Variants in AUTS2 observed in about 807,000 individuals in gnomAD.
AUTS2 encodes the protein activator of transcription and developmental regulator AUTS2, also known as autism susceptibility gene 2 protein.
AUTS2 carries 17 observed loss-of-function variants against 112.4 expected under a neutral mutation model. The ratio of observed to expected loss-of-function variants is 0.15; its 90% CI spans 0.10 to 0.23. The LOEUF (loss-of-function observed/expected upper bound fraction) is 0.23, where lower values mean the gene tolerates loss of function less well. Ranked by LOEUF, AUTS2 falls within the 10% of genes least tolerant of loss-of-function variation. The pLI is 1.00. For missense variants in AUTS2, 1,510 were observed against 1,701.6 expected, an observed-to-expected ratio of 0.89 and a Z score of 1.98; for synonymous variants, 751 against 702.7, an observed-to-expected ratio of 1.07 and a Z score of -1.09.
rs115655451 is a variant in AUTS2 at position 70,088,839 on chromosome 7, G to A, written c.523-29293G>A. Among the ~76,000 whole-genome samples, 992 of 151,918 alleles carry A rather than the reference G, an allele frequency of 6.5e-3. 8 individuals are homozygous for A. The highest frequency in any genetic ancestry group is 0.022 in the African/African-American group (925 of 41,428). ...ATGTTGGCCAGGTGTGAGCCACCGC[G>A]CCTGTCCGAGACCCATCTTGCTTTC... is the stretch of plus-strand genomic sequence containing the variant. On this transcript the variant is annotated intron_variant, in intron 2 of 18. Coordinates refer to ENST00000342771, the MANE Select transcript of AUTS2 (RefSeq NM_015570.4).
At chr7:70,227,960 C>T (rs1362911629) in intron 4 of AUTS2, among the ~76,000 whole-genome samples, 1 of 151,896 alleles carries the variant, frequency 6.6e-6, no homozygotes, top group Non-Finnish European at 1.5e-5. Context: ...GTCAAGTCTA[C>T]TATATTCTTG....
At chr7:70,646,361 A>C (rs747477019) in intron 5 of AUTS2, among the ~76,000 whole-genome samples, 1 of 152,212 alleles carries the variant, frequency 6.6e-6, no homozygotes, top group African/African-American at 2.4e-5. Flanking sequence ...TGCCTCCGTC[A>C]TGTCAGGAAG....
chr7:69,671,962 A>G (rs1312518743), intron 1 of AUTS2, among the ~76,000 whole-genome samples: 1 of 152,162 alleles, frequency 6.6e-6, no homozygotes, highest in Non-Finnish European at 1.5e-5. Flanking sequence ...GCTTCTGGGC[A>G]GAAACATGCA....
At chr7:70,763,904 A>ATTTC in intron 7 of AUTS2, among the ~76,000 whole-genome samples, 1 of 152,130 alleles carries the variant, frequency 6.6e-6, no homozygotes, top group East Asian at 1.9e-4. Flanking sequence ...AAAGTGAGAA[A>ATTTC]TTTCTTTATG....
chr7:70,270,255 G>A (rs1271098292), intron 4 of AUTS2, among the ~76,000 whole-genome samples: 2 of 152,118 alleles, frequency 1.3e-5, no homozygotes, highest in Non-Finnish European at 1.5e-5. Context: ...AATATGGCAG[G>A]TCCCAGCAAA....
chr7:70,130,393 A>G (rs993390549), intron 3 of AUTS2, among the ~76,000 whole-genome samples: 1 of 152,188 alleles, frequency 6.6e-6, no homozygotes, highest in Non-Finnish European at 1.5e-5. Flanking sequence ...TCATGAGTTT[A>G]ATGAGTAGCT....
At chr7:70,511,566 T>C (rs1799193826) in intron 5 of AUTS2, among the ~76,000 whole-genome samples, 6 of 104,448 alleles carry the variant, frequency 5.7e-5, no homozygotes, top group African/African-American at 1.2e-4. Flanking sequence ...ATTTTCTTTT[T>C]TTTTTTTTTT....
chr7:70,139,956 G>A (rs922090144), intron 4 of AUTS2, among the ~76,000 whole-genome samples: 1 of 152,104 alleles, frequency 6.6e-6, no homozygotes, highest in African/African-American at 2.4e-5. Flanking sequence ...AGACAGGATG[G>A]CGCCATTGCA....
intron 5 of AUTS2, among the ~76,000 whole-genome samples, chr7:70,545,017 C>T (rs1228070548): frequency 6.6e-6 from 1 of 152,178 alleles, no homozygotes; most frequent in African/African-American, 2.4e-5. Flanking sequence ...TGAGAAGCCT[C>T]GCTTTGGACA....
chr7:69,661,531 C>G (rs1795797321), intron 1 of AUTS2, among the ~76,000 whole-genome samples: 2 of 152,110 alleles, frequency 1.3e-5, no homozygotes, highest in Admixed American at 1.3e-4. Context: ...TATGACCTGC[C>G]TCTATAAATA....
intron 5 of AUTS2, among the ~76,000 whole-genome samples, chr7:70,498,978 G>A (rs1798667834): frequency 6.6e-6 from 1 of 152,212 alleles, no homozygotes; most frequent in South Asian, 2.1e-4. Flanking sequence ...CTTTGTGGAA[G>A]AGGAGGGCAA....
intron 2 of AUTS2, among the ~76,000 whole-genome samples, chr7:70,082,853 A>G (rs1436261260): frequency 1.3e-5 from 2 of 152,198 alleles, no homozygotes; most frequent in African/African-American, 4.8e-5. Context: ...GGTCACCAGT[A>G]AATTTCTAAG....
At chr7:70,602,110 T>C (rs1228413771) in intron 5 of AUTS2, among the ~76,000 whole-genome samples, 1 of 152,112 alleles carries the variant, frequency 6.6e-6, no homozygotes, top group Non-Finnish European at 1.5e-5. Flanking sequence ...AGCTTCTCTT[T>C]ATGGTTGCAA....
chr7:70,309,519 A>T (rs945506108), intron 4 of AUTS2, among the ~76,000 whole-genome samples: 1 of 152,234 alleles, frequency 6.6e-6, no homozygotes, highest in Non-Finnish European at 1.5e-5. Context: ...TCCTTTCTGT[A>T]CCAATACACA....
At chr7:70,584,011 T>C (rs1056501070) in intron 5 of AUTS2, among the ~76,000 whole-genome samples, 1 of 152,236 alleles carries the variant, frequency 6.6e-6, no homozygotes, top group African/African-American at 2.4e-5. Flanking sequence ...ATTACAGGAC[T>C]GTGACATGTA....
intron 1 of AUTS2, among the ~76,000 whole-genome samples, chr7:69,732,430 G>A (rs555367723): frequency 8.3e-4 from 126 of 152,022 alleles, no homozygotes; most frequent in African/African-American, 2.7e-3. Context: ...AGGAGTGTGC[G>A]TGAGGTGTGT....
In AUTS2 at chr7:70,139,904, G is replaced by A. The variant is rs571079828; in HGVS notation, c.660+5333G>A. On this transcript the variant is annotated intron_variant, in intron 4 of 18. Coordinates refer to ENST00000342771, the MANE Select transcript of AUTS2 (RefSeq NM_015570.4). Reference sequence around the variant, plus strand: ...TAATCCCAGCTGCTCGGGAGGCTGAGGCAGGAGAATCACTTGAACCTGGGA... The same window carrying A: ...TAATCCCAGCTGCTCGGGAGGCTGAAGCAGGAGAATCACTTGAACCTGGGA... 2.6e-5 allele frequency among the ~76,000 whole-genome samples: 4 copies of A among 152,218 alleles called. No individual in the cohort carries two copies. In the South Asian group the frequency reaches 8.3e-4, roughly 32 times the overall value.
chr7:70,456,443 G>T (rs548396862), intron 5 of AUTS2, among the ~76,000 whole-genome samples: 1 of 152,350 alleles, frequency 6.6e-6, no homozygotes, highest in African/African-American at 2.4e-5. Context: ...GAGAAATTCT[G>T]TTGTCATTTA....
chr7:70,273,038 T>C (rs1259250856), intron 4 of AUTS2, among the ~76,000 whole-genome samples: 1 of 152,112 alleles, frequency 6.6e-6, no homozygotes, highest in Non-Finnish European at 1.5e-5. Flanking sequence ...ATCTGCACTT[T>C]GTGTCTGATT....
Sources: allele counts gnomAD v4.1 joint callset (sites outside exome capture counted in the v4.1 genomes callset), GRCh38; gene constraint gnomAD v4.1.1; transcripts MANE v1.5; gene names NCBI Gene and HGNC (gene_info 2026-07-23, HGNC 2026-07-21).